The following TRIP12 variants were observed in gnomAD, a reference collection of about 807,000 sequenced individuals.
TRIP12 encodes E3 ubiquitin-protein ligase TRIP12.
Under a neutral mutation model 244.2 loss-of-function variants are expected in TRIP12, and 25 were observed. The ratio of observed to expected loss-of-function variants is 0.10; its 90% CI spans 0.07 to 0.14. The LOEUF (loss-of-function observed/expected upper bound fraction) is 0.14, where lower values mean the gene tolerates loss of function less well. Ranked by LOEUF, TRIP12 falls within the 10% of genes least tolerant of loss-of-function variation. The pLI is 1.00. For missense variants in TRIP12, 1,677 were observed against 2,486.4 expected (o/e 0.67, Z 6.92); for synonymous variants, 905 against 873.1 (o/e 1.04, Z -0.64).
intron 1 of TRIP12, among the ~76,000 whole-genome samples, chr2:229,908,932 TA>T (rs1046977443): frequency 2.0e-5 from 3 of 148,754 alleles, no homozygotes; most frequent in East Asian, 2.0e-4. Flanking sequence ...CTACAAAAAA[TA>T]AAAAAAATTA....
chr2:229,771,090 C>T (rs1482459036), intron 39 of TRIP12, among the ~76,000 whole-genome samples: 2 of 152,204 alleles, frequency 1.3e-5, no homozygotes, highest in African/African-American at 4.8e-5. Flanking sequence ...ATTTATAATA[C>T]TTTCTTAAAA....
In TRIP12 at chr2:229,798,952, G is replaced by A. The variant is rs1457632665; in HGVS notation, c.3405C>T (p.Asn1135=). 5 of 1,614,106 alleles carry A rather than the reference G, an allele frequency of 3.1e-6. No homozygotes were observed. The highest frequency in any genetic ancestry group is 2.2e-5 in the East Asian group (1 of 44,896). The change falls in exon 23 of 42, where the codon AAC becomes AAT. Residue 1135 remains asparagine, a synonymous_variant. Coordinates refer to ENST00000675903, the MANE Select transcript of TRIP12 (RefSeq NM_001348323.3). ...CCGCAGTCCGTGCTGGCTCAATGTT[G>A]TTGCTGTTGGACTGTGTACTTAACC... ...WGRLSTQSNS[N]NIEPARTAGG... is the part of the protein sequence containing the mutation.
At chr2:229,768,775 A>T in intron 40 of TRIP12, 56 bp from the exon 41 acceptor site, 1 of 1,443,742 alleles carries the variant, frequency 6.9e-7, no homozygotes, top group Non-Finnish European at 9.4e-7. Flanking sequence ...TAGAGTTTTA[A>T]TCACACTGCA....
At chr2:229,834,732 C>T (rs927726358) in intron 6 of TRIP12, among the ~76,000 whole-genome samples, 3 of 151,950 alleles carry the variant, frequency 2.0e-5, no homozygotes, top group Admixed American at 6.6e-5. Context: ...AGCACTCCAA[C>T]CTGGGCAACA....
chr2:229,783,426 T>C (rs752078794), intron 34 of TRIP12, among the ~76,000 whole-genome samples: 2 of 152,228 alleles, frequency 1.3e-5, no homozygotes, highest in Non-Finnish European at 2.9e-5. Flanking sequence ...AGTGATTTAT[T>C]AACAAGTTTT....
Position 229,771,570 on chromosome 2 carries a change from T to C in TRIP12, c.5757A>G (p.Gly1919=). ...VSRQFDSFRD[G]FESVFPLSHL... ...GACTGAGTGGGAAGACTGATTCAAA[T>C]CCATCTCTGAACGAATCAAATTGCC... is the stretch of plus-strand genomic sequence containing the variant. The change falls in exon 39 of 42, where the codon GGA becomes GGG. Residue 1919 remains glycine (G), a synonymous_variant. Transcript: ENST00000675903. 1 of 1,614,112 alleles carries C rather than the reference T, an allele frequency of 6.2e-7. No homozygotes were observed. Among genetic ancestry groups the C allele is most frequent in the Non-Finnish European group, 8.5e-7 (1 of 1,179,976 alleles).
At chr2:229,851,893 G>A (rs2058784338) in intron 4 of TRIP12, among the ~76,000 whole-genome samples, 1 of 152,174 alleles carries the variant, frequency 6.6e-6, no homozygotes, top group South Asian at 2.1e-4. Context: ...AGGGTCCGCG[G>A]CTTCATTCTT....
intron 13 of TRIP12, among the ~76,000 whole-genome samples, chr2:229,812,971 A>C (rs1468910868): frequency 1.3e-5 from 2 of 151,618 alleles, no homozygotes; most frequent in Non-Finnish European, 2.9e-5. Context: ...CTCTGTAGCT[A>C]AAAAAAAATT....
At chr2:229,857,013 T>G (rs1237766437) in intron 4 of TRIP12, among the ~76,000 whole-genome samples, 3 of 152,198 alleles carry the variant, frequency 2.0e-5, no homozygotes, top group African/African-American at 7.2e-5. Flanking sequence ...TATTGTCATT[T>G]CAGGTAATAT....
In TRIP12 at chr2:229,774,242, T is replaced by C. The variant is rs772770632; in HGVS notation, c.5549A>G (p.Tyr1850Cys). Residue 1850 changes from tyrosine to cysteine, a missense_variant, in exon 38 of 42, where the codon TAT becomes TGT. Coordinates refer to ENST00000675903, the MANE Select transcript of TRIP12 (RefSeq NM_001348323.3). The part of the protein sequence containing the change: ...DKSQTKESLQ[Y>C]ALETLTMNGC... ...ATTCATAGTCAAGGTTTCTAATGCA[T>C]ACTGTAGACTCTCTTTGGTCTAAAA... 1.2e-6 allele frequency: 2 copies of C among 1,613,550 alleles called. No homozygotes were observed. The highest frequency in any genetic ancestry group is 1.1e-5 in the South Asian group (1 of 90,880).
intron 34 of TRIP12, 47 bp from the exon 35 acceptor site, chr2:229,779,037 T>G (rs769004904): frequency 6.7e-6 from 10 of 1,503,170 alleles, no homozygotes; most frequent in Admixed American, 1.7e-5. Context: ...AAGAATTGTG[T>G]TTTTTTACTG....
chr2:229,813,558 T>G (rs937261882), intron 13 of TRIP12, among the ~76,000 whole-genome samples: 2 of 151,838 alleles, frequency 1.3e-5, no homozygotes, highest in African/African-American at 4.8e-5. Context: ...CTGAGGTGGG[T>G]GGATCACCTG....
intron 4 of TRIP12, among the ~76,000 whole-genome samples, chr2:229,844,260 G>A (rs1193423229): frequency 6.6e-6 from 1 of 152,082 alleles, no homozygotes; most frequent in East Asian, 1.9e-4. Context: ...CATTACATTA[G>A]ACTATTATTT....
chr2:229,912,400 T>A (rs1201376844), intron 1 of TRIP12, among the ~76,000 whole-genome samples: 1 of 152,184 alleles, frequency 6.6e-6, no homozygotes, highest in Non-Finnish European at 1.5e-5. Context: ...TTCAACATAA[T>A]CTGTTAAATC....
chr2:229,813,048 GC>G (rs1475295076), intron 13 of TRIP12, among the ~76,000 whole-genome samples: 1 of 152,068 alleles, frequency 6.6e-6, no homozygotes, highest in Non-Finnish European at 1.5e-5. Context: ...CATAAACCCT[GC>G]TTTTCACACT....
intron 8 of TRIP12, among the ~76,000 whole-genome samples, chr2:229,824,895 G>A (rs2051120570): frequency 6.6e-6 from 1 of 152,110 alleles, no homozygotes; most frequent in Non-Finnish European, 1.5e-5. Flanking sequence ...TTGTAGATTT[G>A]ACTTTTAGAA....
chr2:229,823,195 A>G (rs1006206547), intron 8 of TRIP12, among the ~76,000 whole-genome samples: 1 of 152,244 alleles, frequency 6.6e-6, no homozygotes, highest in Non-Finnish European at 1.5e-5. Context: ...GAATTTTCTA[A>G]AACTGAAGAT....
At chr2:229,790,078 A>T (rs1274784561) in intron 30 of TRIP12, among the ~76,000 whole-genome samples, 5 of 152,146 alleles carry the variant, frequency 3.3e-5, no homozygotes, top group Non-Finnish European at 7.4e-5. Context: ...ATAAAAACAA[A>T]CTGTTTAAAT....
chr2:229,798,261 T>C (rs1180247944), intron 23 of TRIP12, among the ~76,000 whole-genome samples: 1 of 152,182 alleles, frequency 6.6e-6, no homozygotes, highest in East Asian at 1.9e-4. Flanking sequence ...GCTGCTTAAA[T>C]TACAAATGCT....
Sources: allele counts gnomAD v4.1 joint callset (sites outside exome capture counted in the v4.1 genomes callset), GRCh38; gene constraint gnomAD v4.1.1; transcripts MANE v1.5; gene names NCBI Gene and HGNC (gene_info 2026-07-23, HGNC 2026-07-21).